ATP2C1: variants seen among roughly 807,000 people sequenced by gnomAD.
The protein encoded by ATP2C1 is calcium-transporting ATPase type 2C member 1.
A neutral mutation model predicts 120.5 loss-of-function variants in ATP2C1; 31 were observed. That is an observed-to-expected ratio of 0.26 (90% CI 0.19 to 0.35). The LOEUF (loss-of-function observed/expected upper bound fraction) is 0.35, where lower values mean the gene tolerates loss of function less well. Ranked by LOEUF, ATP2C1 falls within the 10% of genes least tolerant of loss-of-function variation. ATP2C1 has a pLI of 1.00. For synonymous variants in ATP2C1, 351 were observed against 358.7 expected (o/e 0.98, Z 0.24); for missense variants, 731 against 1,107.5 (o/e 0.66, Z 4.83).
At chr3:130,973,123 A>G (rs1351341088) in intron 17 of ATP2C1, among the ~76,000 whole-genome samples, 1 of 152,192 alleles carries the variant, frequency 6.6e-6, no homozygotes, top group Non-Finnish European at 1.5e-5. Flanking sequence ...TGGTAATAGG[A>G]AGGGTAATAG....
chr3:130,941,801 A>AT, intron 8 of ATP2C1, 102 bp downstream of exon 8: 1 of 1,020,212 alleles, frequency 9.8e-7, no homozygotes, highest in Non-Finnish European at 1.5e-6. Context: ...GATTTGAACC[A>AT]TTTGGTATTC....
In ATP2C1 at chr3:130,998,289, G is replaced by C. The variant is rs953599872; in HGVS notation, c.2392-5G>C. ...AAAAGTAATTTTGTTATTGCCTCTT[G>C]ACAGCTACGAGACAATGTGATTACA... On this transcript the variant is annotated splice_polypyrimidine_tract_variant and splice_region_variant and intron_variant, in intron 25 of 27. Transcript: ENST00000510168. 9 of 1,596,672 alleles carry C rather than the reference G, an allele frequency of 5.6e-6. No individual in the cohort carries two copies. The highest frequency in any genetic ancestry group is 5.0e-5 in the Admixed American group (3 of 59,950).
intron 26 of ATP2C1, chr3:131,015,213 T>A: frequency 1.4e-6 from 1 of 702,450 alleles, no homozygotes; most frequent in South Asian, 1.5e-5. Context: ...CCATATTTTG[T>A]ATGCGTCCAT....
intron 26 of ATP2C1, among the ~76,000 whole-genome samples, chr3:131,015,413 T>TATCA (rs2063569866): frequency 6.6e-6 from 1 of 152,208 alleles, no homozygotes; most frequent in African/African-American, 2.4e-5. Context: ...CCATTGATCC[T>TATCA]ATCACTTTTT....
chr3:130,979,467 A>C (rs1223745421), intron 19 of ATP2C1, 48 bp downstream of exon 19: 1 of 1,566,322 alleles, frequency 6.4e-7, no homozygotes, highest in African/African-American at 1.4e-5. Flanking sequence ...TTCTTAAAAT[A>C]CTGTGGTGCA....
chr3:130,919,457 G>A lies in ATP2C1; in HGVS notation c.7-10959G>A, dbSNP rs547971106. ...TGTTGTCGAACTCCTTACTGCAGGT[G>A]ATCCGCCTGCCTCAGCCTCCCAAAG... On this transcript the variant is annotated intron_variant, in intron 2 of 27. Transcript: ENST00000510168. Among the ~76,000 whole-genome samples, 6 of 152,162 alleles carry A rather than the reference G, an allele frequency of 3.9e-5. No homozygotes were observed. The South Asian group carries it at 1.2e-3, about 32-fold the overall frequency.
chr3:130,933,437 C>G (rs1180057828), intron 4 of ATP2C1, among the ~76,000 whole-genome samples: 1 of 152,062 alleles, frequency 6.6e-6, no homozygotes. Flanking sequence ...AATGTACATT[C>G]TTAGTTAATC....
At chr3:130,939,269 C>G (rs2059796639) in intron 6 of ATP2C1, among the ~76,000 whole-genome samples, 1 of 152,080 alleles carries the variant, frequency 6.6e-6, no homozygotes, top group South Asian at 2.1e-4. Flanking sequence ...GTTATTTGTG[C>G]TATATTACTT....
chr3:130,945,752 A>T (rs1437045664), intron 8 of ATP2C1, among the ~76,000 whole-genome samples: 1 of 151,922 alleles, frequency 6.6e-6, no homozygotes, highest in African/African-American at 2.4e-5. Flanking sequence ...CATTTTCTTA[A>T]TCCAGTCTAT....
chr3:130,975,102 A>G (rs954059981), intron 17 of ATP2C1, among the ~76,000 whole-genome samples: 3 of 152,166 alleles, frequency 2.0e-5, no homozygotes, highest in African/African-American at 4.8e-5. Context: ...GGGGCTTAGT[A>G]TAGCATTGCC....
intron 12 of ATP2C1, among the ~76,000 whole-genome samples, chr3:130,961,824 C>T (rs2108614542): frequency 6.6e-6 from 1 of 152,012 alleles, no homozygotes; most frequent in Middle Eastern, 3.4e-3. Flanking sequence ...ATCAGAAGAT[C>T]AGTGCAAAGA....
At chr3:130,996,242 A>G in intron 23 of ATP2C1, 131 bp downstream of exon 23, 1 of 749,526 alleles carries the variant, frequency 1.3e-6, no homozygotes, top group Non-Finnish European at 2.3e-6. Flanking sequence ...GTTTTCCAAA[A>G]AGAAAATTTA....
rs1199011969 is a variant in ATP2C1, at chr3:131,001,775, G to T, written c.*425G>T. ...ACAAATAAATTTAATCATTTCAAAG[G>T]CATTCTATTTGGTTTAGAAGTTGAT... On this transcript the variant is annotated 3_prime_UTR_variant, in exon 28 of 28. Transcript: ENST00000510168. The T allele has an allele frequency of 2.0e-6, 2 of 982,966 alleles. No homozygotes were observed. The highest frequency in any genetic ancestry group is 3.5e-5 in the African/African-American group (2 of 57,166). The allele number at this position is 982,966 out of a possible 1,614,324, so 60.9% of individuals were successfully genotyped here. A position where few individuals can be genotyped will look rare whatever the true frequency, so the allele number is the denominator to read the frequency against.
At chr3:131,000,484 A>G (rs1019022210) in intron 27 of ATP2C1, among the ~76,000 whole-genome samples, 1 of 152,216 alleles carries the variant, frequency 6.6e-6, no homozygotes, top group African/African-American at 2.4e-5. Flanking sequence ...CAAGTCTTCT[A>G]TGCTTTGAAA....
chr3:130,911,907 T>G (rs1427100294), intron 2 of ATP2C1, among the ~76,000 whole-genome samples: 1 of 144,114 alleles, frequency 6.9e-6, no homozygotes, highest in African/African-American at 2.6e-5. Flanking sequence ...AACAGAGATA[T>G]AGATCAATGG....
chr3:130,941,785 A>G (rs1452369576), intron 8 of ATP2C1, 86 bp downstream of exon 8: 3 of 1,149,432 alleles, frequency 2.6e-6, no homozygotes, highest in African/African-American at 1.5e-5. Context: ...GAATTAACAC[A>G]TAGTTGATTT....
Position 130,854,897 on chromosome 3 carries a change from T to C in ATP2C1, c.108+3969T>C, listed in dbSNP as rs79404776. ...TCCAATCATCTACTTGATATCTCCA[T>C]CTGAATGTCTTGTGAATGTTGCAGA... On this transcript the variant is annotated intron_variant, in intron 1 of 26. Coordinates refer to the ATP2C1 transcript ENST00000504381. Among the ~76,000 whole-genome samples, 41 of 152,316 alleles carry C rather than the reference T, an allele frequency of 2.7e-4. No individual in the cohort carries two copies. In the East Asian group the frequency reaches 6.6e-3, roughly 24 times the overall value.
At chr3:130,964,168 T>C in intron 13 of ATP2C1, 73 bp downstream of exon 13, 1 of 1,587,892 alleles carries the variant, frequency 6.3e-7, no homozygotes, top group Admixed American at 1.7e-5. Context: ...TCTCAGAGTT[T>C]TACAGTTTTT....
chr3:131,009,983 G>A (rs1030142521), intron 26 of ATP2C1, among the ~76,000 whole-genome samples: 5 of 151,896 alleles, frequency 3.3e-5, no homozygotes, highest in African/African-American at 1.2e-4. Flanking sequence ...AGCTTTCCAG[G>A]TGCTGCTCAG....
Sources: gnomAD v4.1 joint callset for allele counts (sites outside exome capture counted in the v4.1 genomes callset) on GRCh38, gnomAD v4.1.1 for gene constraint, MANE v1.5 for transcripts, NCBI Gene and HGNC (gene_info 2026-07-23, HGNC 2026-07-21) for gene names.